SH2D4A: variants seen among roughly 807,000 people sequenced by gnomAD.
The protein encoded by SH2D4A is SH2 domain-containing protein 4A.
SH2D4A carries 70 observed loss-of-function variants against 64.7 expected under a neutral mutation model. The observed-to-expected ratio is 1.08, with a 90% CI of 0.89 to 1.32. SH2D4A has a LOEUF of 1.32. Ranked by LOEUF, SH2D4A falls within the 40% of genes most tolerant of loss-of-function variation. The pLI is 0.00. For missense variants in SH2D4A, 706 were observed against 540.1 expected, an observed-to-expected ratio of 1.31 and a Z score of -3.04; for synonymous variants, 268 against 200.7, an observed-to-expected ratio of 1.34 and a Z score of -2.83.
At position 19,334,793 on chromosome 8, in the gene SH2D4A, C is replaced by A. The variant is rs745841388; in HGVS notation, c.449C>A (p.Ala150Glu). 21 of 1,613,860 alleles carry A rather than the reference C, an allele frequency of 1.3e-5. No individual in the cohort carries two copies. Among genetic ancestry groups the A allele is most frequent in the Non-Finnish European group, 1.7e-5 (20 of 1,179,960 alleles). ...ACTAAAGACATCTGGAAGAAAGTGG[C>A]AGAAAAGGAGGAACTGGAGCAAGGA... is the stretch of plus-strand genomic sequence containing the variant. ...QQTKDIWKKV[A>E]EKEELEQGSR... is the part of the protein sequence containing the mutation. Residue 150 changes from alanine to glutamate, a missense_variant, in exon 4 of 10, where the codon GCA becomes GAA. Transcript: ENST00000265807.
At chr8:19,338,343 G>A (rs1278232277) in intron 4 of SH2D4A, among the ~76,000 whole-genome samples, 3 of 152,058 alleles carry the variant, frequency 2.0e-5, no homozygotes, top group Non-Finnish European at 4.4e-5. Context: ...TATTTGTTAG[G>A]CAGAATAATG....
chr8:19,356,275 A>G (rs2153647506), intron 4 of SH2D4A, among the ~76,000 whole-genome samples: 1 of 152,316 alleles, frequency 6.6e-6, no homozygotes, highest in South Asian at 2.1e-4. Flanking sequence ...AAGATTGAGA[A>G]AGCCACTGGT....
At chr8:19,353,579 G>C (rs1485098480) in intron 4 of SH2D4A, among the ~76,000 whole-genome samples, 1 of 151,600 alleles carries the variant, frequency 6.6e-6, no homozygotes, top group African/African-American at 2.4e-5. Flanking sequence ...ATGTTGGCCA[G>C]GATGGTCTGG....
rs146433521 is a variant in SH2D4A, at chr8:19,352,421, G to C, written c.514-4782G>C. Among the ~76,000 whole-genome samples, 383 of 152,306 alleles carry C rather than the reference G, an allele frequency of 2.5e-3. 1 individual carries two copies. The highest frequency in any genetic ancestry group is 8.8e-3 in the African/African-American group (366 of 41,570). ...CTTGATGTCTGCAGGAAGTCCACTA[G>C]CTTCTGATGTTATTAGCTTTCAGTT... On this transcript the variant is annotated intron_variant, in intron 4 of 9. Transcript: ENST00000265807.
chr8:19,378,103 G>C (rs762874157), intron 8 of SH2D4A, among the ~76,000 whole-genome samples: 15 of 152,086 alleles, frequency 9.9e-5, no homozygotes, highest in Non-Finnish European at 1.5e-4. Flanking sequence ...TACTTATACA[G>C]ATCTTTTGAC....
rs150586200 is a variant in SH2D4A, at chr8:19,368,459, T to G, written c.917+4177T>G. ...GATCTTTTTGGGTAGTACAGCCATT[T>G]TGACTATTAATTTTTCTAATCCATG... On this transcript the variant is annotated intron_variant, in intron 7 of 9. Transcript: ENST00000265807. Among the ~76,000 whole-genome samples, 1,222 of 152,262 alleles carry G rather than the reference T, an allele frequency of 8.0e-3. 13 individuals carry two copies. The highest frequency in any genetic ancestry group is 0.028 in the African/African-American group (1,163 of 41,562).
chr8:19,325,908 C>T (rs1048054471), intron 2 of SH2D4A, among the ~76,000 whole-genome samples: 2 of 152,168 alleles, frequency 1.3e-5, no homozygotes, highest in African/African-American at 2.4e-5. Flanking sequence ...AAAATGAATA[C>T]GGGGCTAGAC....
chr8:19,322,177 G>A (rs1023392347), intron 2 of SH2D4A, among the ~76,000 whole-genome samples: 13 of 152,054 alleles, frequency 8.5e-5, no homozygotes, highest in Non-Finnish European at 1.9e-4. Flanking sequence ...TTCATCTTGC[G>A]CTGTCTTTGA....
intron 7 of SH2D4A, among the ~76,000 whole-genome samples, chr8:19,368,960 G>A (rs768870715): frequency 7.2e-5 from 11 of 152,118 alleles, no homozygotes; most frequent in South Asian, 2.1e-4. Flanking sequence ...CATGTAAACT[G>A]TGATTTTGTC....
At chr8:19,377,952 C>T (rs77664872) in intron 8 of SH2D4A, among the ~76,000 whole-genome samples, 2,568 of 152,198 alleles carry the variant, frequency 0.017, 78 homozygotes, top group African/African-American at 0.058. Context: ...AATTTGTTTC[C>T]CTATGTACTT....
Position 19,361,186 on chromosome 8 carries a change from GT to G in SH2D4A, c.595-13del, listed in dbSNP as rs1563201154. On this transcript the variant is annotated splice_polypyrimidine_tract_variant and intron_variant, in intron 5 of 9. Coordinates refer to ENST00000265807, the MANE Select transcript of SH2D4A (RefSeq NM_022071.4). ...TTTTGTTTTGTTTTTGTTTTTTTTT[GT>G]TTTGTTTTTAAACAGAAGAAAGAAT... 2.9e-6 allele frequency: 4 copies of G among 1,374,064 alleles called. No individual in the cohort carries two copies. The highest frequency in any genetic ancestry group is 4.5e-5 in the Admixed American group (2 of 44,850). The allele number at this position is 1,374,064 out of a possible 1,614,324, so 85.1% of individuals were successfully genotyped here.
At chr8:19,354,672 A>AGATGAACTGTTCAG (rs1344942448) in intron 4 of SH2D4A, among the ~76,000 whole-genome samples, 5 of 152,244 alleles carry the variant, frequency 3.3e-5, no homozygotes, top group African/African-American at 1.2e-4. Flanking sequence ...TGTGTACATG[A>AGATGAACTGTTCAG]GATGAACTGT....
intron 8 of SH2D4A, among the ~76,000 whole-genome samples, chr8:19,381,174 T>G (rs1442818005): frequency 2.0e-5 from 3 of 151,964 alleles, no homozygotes; most frequent in African/African-American, 7.2e-5. Context: ...CTCAGCCTCC[T>G]GAGTAGCTGG....
chr8:19,370,610 C>G (rs557629493), intron 7 of SH2D4A, among the ~76,000 whole-genome samples: 15 of 152,154 alleles, frequency 9.9e-5, no homozygotes, highest in African/African-American at 3.4e-4. Context: ...TCTTTCCCTT[C>G]CAGACTATGC....
At chr8:19,361,115 G>A in intron 5 of SH2D4A, 88 bp from the exon 6 acceptor site, 2 of 448,274 alleles carry the variant, frequency 4.5e-6, no homozygotes, top group South Asian at 3.0e-5. Flanking sequence ...CGGGTACCCC[G>A]TCCTTCAGGA....
At chr8:19,323,488 C>T (rs1283216040) in intron 2 of SH2D4A, among the ~76,000 whole-genome samples, 2 of 151,256 alleles carry the variant, frequency 1.3e-5, no homozygotes, top group Non-Finnish European at 2.9e-5. Flanking sequence ...TCTAGCGATT[C>T]TCCTTTCTCA....
intron 4 of SH2D4A, among the ~76,000 whole-genome samples, chr8:19,336,795 A>G (rs187973108): frequency 3.5e-4 from 54 of 152,186 alleles, no homozygotes; most frequent in Admixed American, 8.5e-4. Flanking sequence ...TGAGCCCAGG[A>G]ATTTGAGGCT....
At chr8:19,316,524 G>A (rs2052091534) in intron 1 of SH2D4A, among the ~76,000 whole-genome samples, 1 of 152,210 alleles carries the variant, frequency 6.6e-6, no homozygotes, top group Non-Finnish European at 1.5e-5. Flanking sequence ...CTGGGTCAGT[G>A]TGACAGTCGG....
At position 19,364,292 on chromosome 8, in the gene SH2D4A, C is replaced by G; in HGVS notation, c.917+10C>G. 1 of 1,613,754 alleles carries G rather than the reference C, an allele frequency of 6.2e-7. No individual in the cohort carries two copies. The highest frequency in any genetic ancestry group is 8.5e-7 in the Non-Finnish European group (1 of 1,179,780). On this transcript the variant is annotated intron_variant, in intron 7 of 9. Coordinates refer to ENST00000265807, the MANE Select transcript of SH2D4A (RefSeq NM_022071.4). ...CTCAAAAACCTCTTAGGTAAGAAGC[C>G]ACACAGATGGGTTTATGCATAAACA...
Sources: allele counts gnomAD v4.1 joint callset (sites outside exome capture counted in the v4.1 genomes callset), GRCh38; gene constraint gnomAD v4.1.1; transcripts MANE v1.5; gene names NCBI Gene and HGNC (gene_info 2026-07-23, HGNC 2026-07-21).